Variants in ZNF410 observed in about 807,000 individuals in gnomAD.
ZNF410 encodes the protein another partner for ARF 1.
A neutral mutation model predicts 54.8 loss-of-function variants in ZNF410; 18 were observed. The observed-to-expected ratio is 0.33, with a 90% CI of 0.23 to 0.49. The LOEUF is 0.49. ZNF410 is among the 20% of genes least tolerant of loss of function. The pLI, the probability that ZNF410 is intolerant of heterozygous loss-of-function variation, is 0.99. For missense variants in ZNF410, 405 were observed against 569.6 expected, an observed-to-expected ratio of 0.71 and a Z score of 2.94; for synonymous variants, 191 against 207.3, an observed-to-expected ratio of 0.92 and a Z score of 0.68.
intron 8 of ZNF410, among the ~76,000 whole-genome samples, chr14:73,911,626 TA>T (rs2055579204): frequency 6.6e-6 from 1 of 152,204 alleles, no homozygotes; most frequent in Non-Finnish European, 1.5e-5. Flanking sequence ...TTCACCAAAG[TA>T]GAGAAATTTT....
chr14:73,898,535 G>C, intron 5 of ZNF410: 1 of 511,642 alleles, frequency 2.0e-6, no homozygotes, highest in Non-Finnish European at 3.4e-6. Flanking sequence ...GGTTTGAATT[G>C]TTTTTATTGT....
intron 11 of ZNF410, among the ~76,000 whole-genome samples, chr14:73,929,442 TCAC>T (rs1276875192): frequency 2.6e-5 from 4 of 152,306 alleles, no homozygotes; most frequent in Admixed American, 2.6e-4. Context: ...TTTTTGGAGA[TCAC>T]CAAGCAGTAT....
chr14:73,887,352 T>C (rs533960849), intron 1 of ZNF410: 3 of 152,314 alleles, frequency 2.0e-5, no homozygotes, highest in Admixed American at 6.5e-5. Flanking sequence ...TACCCTCTCC[T>C]TTCATACCAC....
chr14:73,894,292 G>C, intron 3 of ZNF410: 1 of 697,278 alleles, frequency 1.4e-6, no homozygotes, highest in South Asian at 1.5e-5. Flanking sequence ...AGAAATCATT[G>C]TATCAAATGC....
chr14:73,898,135 T>C lies in ZNF410; in HGVS notation c.453T>C (p.Asp151=), dbSNP rs748719985. Residue 151 remains aspartate (D), a synonymous_variant, in exon 5 of 12, where the codon GAT becomes GAC. Transcript: ENST00000555044. The part of the protein sequence containing the change: ...VQDEAEDSGN[D]FLSSESTDSS... Reference sequence around the variant, plus strand: ...ATGAGGCAGAAGATTCAGGGAATGATTTCCTCTCCAGTGAGAGCACAGACA... The same window carrying C: ...ATGAGGCAGAAGATTCAGGGAATGACTTCCTCTCCAGTGAGAGCACAGACA... 2 of 1,614,162 alleles carry C rather than the reference T, an allele frequency of 1.2e-6. No individual in the cohort carries two copies. Among genetic ancestry groups the C allele is most frequent in the Non-Finnish European group, 1.7e-6 (2 of 1,180,038 alleles).
Position 73,923,494 on chromosome 14 carries a change from C to G in ZNF410, c.1370C>G (p.Ser457Cys). ...MQSGRQSYEV[S>C]VLTAVNPQEL... ...TCAGGGAGGCAATCATATGAAGTTT[C>G]TGTCTTAACTGCAGTAAATCCACAA... Residue 457 changes from serine (S) to cysteine (C), a missense_variant, in exon 11 of 12, where the codon TCT (serine) becomes TGT (cysteine). Physicochemically the swap from Ser to Cys is moderately radical, Grantham distance 112. This residue lies in a region of ZNF410 where 127 missense variants were observed against 141.3 expected (regional missense o/e 0.90). Transcript: ENST00000555044. 1 of 1,613,410 alleles carries G rather than the reference C, an allele frequency of 6.2e-7. No individual in the cohort carries two copies. Among genetic ancestry groups the G allele is most frequent in the South Asian group, 1.1e-5 (1 of 90,802 alleles).
At chr14:73,918,686 CTTTTTTTTTTTT>C (rs71115932) in intron 8 of ZNF410, among the ~76,000 whole-genome samples, 74 of 74,642 alleles carry the variant, frequency 9.9e-4, no homozygotes, top group South Asian at 1.3e-3. Context: ...TTCATATGGC[CTTTTTTTTTTTT>C]TTTTTTTTTT....
chr14:73,910,975 G>T (rs1397484767), intron 8 of ZNF410, among the ~76,000 whole-genome samples: 1 of 151,996 alleles, frequency 6.6e-6, no homozygotes, highest in African/African-American at 2.4e-5. Flanking sequence ...GATGATGAGT[G>T]CTAGAGGGGC....
chr14:73,901,074 G>C (rs530567724), intron 5 of ZNF410, among the ~76,000 whole-genome samples: 1 of 152,300 alleles, frequency 6.6e-6, no homozygotes, highest in East Asian at 1.9e-4. Flanking sequence ...TTCAGAGCAT[G>C]TTATCTTCAC....
chr14:73,910,157 G>A (rs2055555557), intron 8 of ZNF410, among the ~76,000 whole-genome samples: 1 of 152,192 alleles, frequency 6.6e-6, no homozygotes, highest in Non-Finnish European at 1.5e-5. Context: ...TTTAAGAAGG[G>A]CCTAAAATGC....
intron 8 of ZNF410, among the ~76,000 whole-genome samples, chr14:73,910,414 GC>G (rs1300616117): frequency 6.6e-6 from 1 of 152,168 alleles, no homozygotes; most frequent in Non-Finnish European, 1.5e-5. Flanking sequence ...AATGGAGGCA[GC>G]AGGTGAGGAT....
intron 1 of ZNF410, among the ~76,000 whole-genome samples, chr14:73,889,809 T>C (rs1488761885): frequency 3.1e-5 from 3 of 97,854 alleles, no homozygotes; most frequent in Non-Finnish European, 2.5e-5. Context: ...TTTTTTTTTT[T>C]TTCTCGACAC....
At chr14:73,894,541 C>T (rs1424262499) in intron 3 of ZNF410, 1 of 642,018 alleles carries the variant, frequency 1.6e-6, no homozygotes, top group African/African-American at 1.8e-5. Flanking sequence ...ATTCTCCTGC[C>T]TCAGCCTCCT....
chr14:73,894,522 G>GT (rs1343387309), intron 3 of ZNF410: 2 of 663,740 alleles, frequency 3.0e-6, no homozygotes, highest in African/African-American at 3.6e-5. Context: ...CCCCTCCCAG[G>GT]TTCAAGCTAT....
chr14:73,925,135 T>G (rs2055810448), intron 11 of ZNF410, among the ~76,000 whole-genome samples: 1 of 93,908 alleles, frequency 1.1e-5, no homozygotes, highest in African/African-American at 3.0e-5. Flanking sequence ...TTGCCAGGAC[T>G]TTTCTTTTTA....
intron 11 of ZNF410, chr14:73,927,365 C>G: frequency 6.4e-6 from 1 of 155,326 alleles, no homozygotes; most frequent in Non-Finnish European, 1.4e-5. Flanking sequence ...AGGCATGAGC[C>G]ACTGCGCCCG....
rs375039083 is a variant in ZNF410 at position 73,905,968 on chromosome 14, C to CATATATATAT, written c.913+903_913+912dup. Among the ~76,000 whole-genome samples, 626 of 78,842 alleles carry CATATATATAT rather than the reference C, an allele frequency of 7.9e-3. 22 individuals carry two copies. Among genetic ancestry groups the CATATATATAT allele is most frequent in the East Asian group, 0.073 (244 of 3,356 alleles). The allele number at this position is 78,842 out of a possible 152,430, so 51.7% of individuals were successfully genotyped here. ...ATACACACACACACACACACACACA[C>CATATATATAT]ATATATATATATATATATATATATA... On this transcript the variant is annotated intron_variant, in intron 7 of 11. Coordinates refer to ENST00000555044, the MANE Select transcript of ZNF410 (RefSeq NM_021188.3).
At chr14:73,889,428 T>C (rs1396263401) in intron 1 of ZNF410, among the ~76,000 whole-genome samples, 2 of 115,854 alleles carry the variant, frequency 1.7e-5, no homozygotes, top group East Asian at 6.1e-4. Context: ...CGAGACTCAG[T>C]CTCAAAAAAA....
Position 73,911,200 on chromosome 14 carries a change from C to CT in ZNF410, c.1003+1771dup. On this transcript the variant is annotated intron_variant, in intron 8 of 11. Transcript: ENST00000555044. Reference sequence around the variant, plus strand: ...CTGCTACTGCTTAACAGTTTAAAAGCTGGGTACTGGAGAAAATAGGTGATG... The same window carrying CT: ...CTGCTACTGCTTAACAGTTTAAAAGCTTGGGTACTGGAGAAAATAGGTGATG... 2.0e-5 allele frequency among the ~76,000 whole-genome samples: 3 copies of CT among 152,216 alleles called. No individual in the cohort carries two copies. The South Asian group carries it at 6.2e-4, about 32-fold the overall frequency.
Sources: gnomAD v4.1 joint callset for allele counts (sites outside exome capture counted in the v4.1 genomes callset) on GRCh38, gnomAD v4.1.1 for gene constraint, gnomAD v4.1.1 regional missense constraint, MANE v1.5 for transcripts, NCBI Gene and HGNC (gene_info 2026-07-23, HGNC 2026-07-21) for gene names.